The following CMSS1 variants were observed in gnomAD, a reference collection of about 807,000 sequenced individuals.
CMSS1 encodes protein CMSS1.
A neutral mutation model predicts 43.5 loss-of-function variants in CMSS1; 33 were observed. That is an observed-to-expected ratio of 0.76 (90% CI 0.57 to 1.01). CMSS1 has a LOEUF of 1.01. Ranked by LOEUF, CMSS1 falls within the 50% of genes least tolerant of loss-of-function variation. The probability of loss-of-function intolerance (pLI) is 0.00; values close to 1 mark genes in which losing one functional copy is unlikely to be tolerated. For missense variants in CMSS1, 313 were observed against 326.4 expected, an observed-to-expected ratio of 0.96 and a Z score of 0.32; for synonymous variants, 115 against 117.2, an observed-to-expected ratio of 0.98 and a Z score of 0.12.
chr3:100,176,358 G>A lies in CMSS1; in HGVS notation c.699G>A (p.Leu233=), dbSNP rs1184071841. ...TTAATTTGAGCCCCTTAAAATTTCTGGTTTTTGACTGGAACTGGAGAGATC... is the reference window on the plus strand; with the variant it reads ...TTAATTTGAGCCCCTTAAAATTTCTAGTTTTTGACTGGAACTGGAGAGATC... ...GGLNLSPLKF[L]VFDWNWRDQK... The change falls in exon 9 of 10, where the codon CTG becomes CTA. Residue 233 remains leucine (L), a synonymous_variant. Coordinates refer to ENST00000421999, the MANE Select transcript of CMSS1 (RefSeq NM_032359.4). The A allele has an allele frequency of 6.2e-7, 1 of 1,613,546 alleles. No individual in the cohort carries two copies. The highest frequency in any genetic ancestry group is 2.2e-5 in the East Asian group (1 of 44,860).
chr3:100,123,635 G>A (rs1319399177), intron 1 of CMSS1, among the ~76,000 whole-genome samples: 1 of 152,176 alleles, frequency 6.6e-6, no homozygotes, highest in African/African-American at 2.4e-5. Flanking sequence ...CAAGGAAAAT[G>A]ACCTGGGAAT....
chr3:99,940,386 G>A (rs1204778175), intron 1 of CMSS1, among the ~76,000 whole-genome samples: 1 of 152,120 alleles, frequency 6.6e-6, no homozygotes, highest in Non-Finnish European at 1.5e-5. Flanking sequence ...TTCATGCTCT[G>A]GTTTTTCTTA....
At chr3:99,966,541 A>G (rs866394645) in intron 1 of CMSS1, among the ~76,000 whole-genome samples, 3 of 152,212 alleles carry the variant, frequency 2.0e-5, no homozygotes, top group Non-Finnish European at 4.4e-5. Flanking sequence ...TTCACTCATC[A>G]CTAACAATTA....
intron 1 of CMSS1, among the ~76,000 whole-genome samples, chr3:99,928,741 G>A (rs1186379423): frequency 6.6e-6 from 1 of 152,170 alleles, no homozygotes; most frequent in Non-Finnish European, 1.5e-5. Flanking sequence ...GCTCACAGGG[G>A]TTGGGGAATT....
At chr3:100,049,264 C>T (rs1205094659) in intron 1 of CMSS1, among the ~76,000 whole-genome samples, 1 of 152,116 alleles carries the variant, frequency 6.6e-6, no homozygotes, top group Non-Finnish European at 1.5e-5. Flanking sequence ...CATTTATCAT[C>T]TGTTTTTGAG....
intron 1 of CMSS1, among the ~76,000 whole-genome samples, chr3:100,033,143 G>T (rs1365396257): frequency 2.0e-5 from 3 of 151,856 alleles, no homozygotes; most frequent in South Asian, 2.1e-4. Context: ...ATTTTACTCT[G>T]TGGTTACTGT....
chr3:99,981,020 A>G (rs1709106721), intron 1 of CMSS1, among the ~76,000 whole-genome samples: 1 of 152,168 alleles, frequency 6.6e-6, no homozygotes, highest in African/African-American at 2.4e-5. Flanking sequence ...TGAAGAGACA[A>G]TTGGTCTTGC....
intron 1 of CMSS1, among the ~76,000 whole-genome samples, chr3:99,853,306 CCT>C (rs1943796821): frequency 2.6e-5 from 4 of 152,104 alleles, no homozygotes; most frequent in Admixed American, 2.0e-4. Context: ...ATATTTTTCC[CCT>C]CTCTACACCA....
intron 1 of CMSS1, chr3:99,924,087 A>G: frequency 2.7e-6 from 2 of 738,778 alleles, no homozygotes; most frequent in Non-Finnish European, 2.3e-6. Flanking sequence ...AATGTCTTCA[A>G]ACATATCCTT....
intron 1 of CMSS1, among the ~76,000 whole-genome samples, chr3:99,864,092 A>G (rs1482995519): frequency 6.6e-6 from 1 of 152,250 alleles, no homozygotes; most frequent in African/African-American, 2.4e-5. Context: ...GGTATGGAAG[A>G]CATATACTTT....
Position 99,833,249 on chromosome 3 carries a change from G to A in CMSS1, c.64+15206G>A, listed in dbSNP as rs781670917. The A allele has an allele frequency of 3.7e-6, 6 of 1,612,182 alleles. No homozygotes were observed. The East Asian group carries it at 8.9e-5, about 24-fold the overall frequency. On this transcript the variant is annotated intron_variant, in intron 1 of 9. Transcript: ENST00000421999. ...GGATGTTGAGTTCAATGAGGCAGAA[G>A]AAGTGGTTCCACCTAGGGAGCAGTA... is the stretch of plus-strand genomic sequence containing the variant.
chr3:99,824,523 C>T (rs1213574341), intron 1 of CMSS1, among the ~76,000 whole-genome samples: 2 of 152,184 alleles, frequency 1.3e-5, no homozygotes, highest in Non-Finnish European at 2.9e-5. Context: ...AGCGAAGGCA[C>T]TCATTAAGTA....
At chr3:100,084,529 A>C (rs546679803) in intron 1 of CMSS1, among the ~76,000 whole-genome samples, 94 of 152,326 alleles carry the variant, frequency 6.2e-4, no homozygotes, top group South Asian at 1.7e-3. Context: ...GCCACTAAAA[A>C]CGGGAAAACA....
chr3:99,842,839 G>C (rs1483228582), intron 1 of CMSS1, among the ~76,000 whole-genome samples: 3 of 152,176 alleles, frequency 2.0e-5, no homozygotes, highest in African/African-American at 7.2e-5. Flanking sequence ...CATGTAAATG[G>C]TGTTAATTCA....
intron 1 of CMSS1, among the ~76,000 whole-genome samples, chr3:100,074,222 C>A (rs995425447): frequency 6.6e-6 from 1 of 152,186 alleles, no homozygotes; most frequent in Admixed American, 6.5e-5. Context: ...ATCTGACAGC[C>A]CCCCTGGGCC....
chr3:99,919,267 G>T (rs1400633319), intron 1 of CMSS1, among the ~76,000 whole-genome samples: 1 of 151,636 alleles, frequency 6.6e-6, no homozygotes, highest in African/African-American at 2.4e-5. Context: ...TACCATAGTG[G>T]TGCCTTTTTT....
At chr3:99,933,248 T>C (rs6440938) in intron 1 of CMSS1, among the ~76,000 whole-genome samples, 111,760 of 152,100 alleles carry the variant, frequency 0.73, 41,774 homozygotes, top group African/African-American at 0.88. Context: ...GAAAAATGCC[T>C]ATAGCCTTAC....
intron 1 of CMSS1, among the ~76,000 whole-genome samples, chr3:100,078,871 A>G (rs2065891093): frequency 6.6e-6 from 1 of 152,152 alleles, no homozygotes; most frequent in African/African-American, 2.4e-5. Flanking sequence ...AGCCTGAGCG[A>G]CAGAGTGGGA....
chr3:100,017,021 TGTTA>T (rs1003634690), intron 1 of CMSS1, among the ~76,000 whole-genome samples: 1 of 152,220 alleles, frequency 6.6e-6, no homozygotes, highest in African/African-American at 2.4e-5. Flanking sequence ...AATGGGTTTT[TGTTA>T]GTTTTTCAAA....
Sources: allele counts gnomAD v4.1 joint callset (sites outside exome capture counted in the v4.1 genomes callset), GRCh38; gene constraint gnomAD v4.1.1; transcripts MANE v1.5; gene names NCBI Gene and HGNC (gene_info 2026-07-23, HGNC 2026-07-21).